CATSPERB: variants seen among roughly 807,000 people sequenced by gnomAD.
CATSPERB encodes cation channel sperm-associated auxiliary subunit beta.
CATSPERB carries 93 observed loss-of-function variants against 128.3 expected under a neutral mutation model. That is an observed-to-expected ratio of 0.72 (90% CI 0.61 to 0.86). CATSPERB has a LOEUF of 0.86. CATSPERB is among the 40% of genes least tolerant of loss of function. The pLI, the probability that CATSPERB is intolerant of heterozygous loss-of-function variation, is 0.00. For missense variants in CATSPERB, 1,153 were observed against 1,329.5 expected (o/e 0.87, Z 2.06); for synonymous variants, 381 against 448.8 (o/e 0.85, Z 1.91).
At chr14:91,721,552 A>T (rs560286178) in intron 4 of CATSPERB, among the ~76,000 whole-genome samples, 5 of 152,274 alleles carry the variant, frequency 3.3e-5, no homozygotes, top group Admixed American at 6.5e-5. Flanking sequence ...TGGTTATTTT[A>T]AAAAAGATAA....
In CATSPERB at chr14:91,719,530, A is replaced by G. The variant is rs1248225559; in HGVS notation, c.310-52T>C. On this transcript the variant is annotated intron_variant, in intron 4 of 26. Transcript: ENST00000256343. ...AATGTTTTACAACATGAATAACAAC[A>G]CATCACATTCTATGCTATATTTTTA... 8 of 1,321,168 alleles carry G rather than the reference A, an allele frequency of 6.1e-6. No homozygotes were observed. In the South Asian group the frequency reaches 9.7e-5, roughly 16 times the overall value. The allele number at this position is 1,321,168 out of a possible 1,614,324, so 81.8% of individuals were successfully genotyped here.
chr14:91,712,605 A>G (rs1895858381), intron 5 of CATSPERB, among the ~76,000 whole-genome samples: 1 of 152,176 alleles, frequency 6.6e-6, no homozygotes, highest in Non-Finnish European at 1.5e-5. Flanking sequence ...ACTGTCATGC[A>G]TTTGTTTGTA....
At chr14:91,613,555 C>CTT (rs1893874210) in intron 20 of CATSPERB, among the ~76,000 whole-genome samples, 2 of 152,124 alleles carry the variant, frequency 1.3e-5, no homozygotes, top group African/African-American at 4.8e-5. Context: ...CAGAAGTGAG[C>CTT]AGGAAGAAGA....
chr14:91,725,017 G>T, intron 3 of CATSPERB, 63 bp downstream of exon 3: 2 of 756,982 alleles, frequency 2.6e-6, no homozygotes, highest in Non-Finnish European at 4.1e-6. Context: ...AATGCTATTG[G>T]TTTTACACAT....
At chr14:91,695,152 T>C (rs996488732) in intron 7 of CATSPERB, among the ~76,000 whole-genome samples, 5 of 146,220 alleles carry the variant, frequency 3.4e-5, no homozygotes, top group African/African-American at 1.3e-4. Flanking sequence ...TTTTTTTTGA[T>C]AGAGTCTCAC....
intron 25 of CATSPERB, among the ~76,000 whole-genome samples, chr14:91,587,759 A>C (rs1349098273): frequency 6.6e-6 from 1 of 152,168 alleles, no homozygotes; most frequent in Non-Finnish European, 1.5e-5. Context: ...TTTGCTAGAT[A>C]ATATGGCTTG....
chr14:91,605,311 C>A, intron 22 of CATSPERB: 1 of 816,380 alleles, frequency 1.2e-6, no homozygotes, highest in African/African-American at 1.7e-5. Context: ...AAGCTGGAGC[C>A]ACACTCATGT....
intron 17 of CATSPERB, among the ~76,000 whole-genome samples, chr14:91,628,294 T>C (rs1170585459): frequency 1.3e-5 from 2 of 152,202 alleles, no homozygotes; most frequent in Non-Finnish European, 2.9e-5. Context: ...TCTGATCTCC[T>C]ACAATACAAA....
chr14:91,626,703 C>T (rs1894171722), intron 17 of CATSPERB, among the ~76,000 whole-genome samples: 2 of 152,014 alleles, frequency 1.3e-5, no homozygotes, highest in Admixed American at 1.3e-4. Flanking sequence ...CAGATGTGGG[C>T]CCCCCAGTCT....
At chr14:91,616,087 G>T (rs899008712) in intron 20 of CATSPERB, among the ~76,000 whole-genome samples, 1 of 152,052 alleles carries the variant, frequency 6.6e-6, no homozygotes, top group Non-Finnish European at 1.5e-5. Context: ...CACTGTGTTA[G>T]CCAGGATGGT....
chr14:91,581,959 A>G (rs902384331), intron 26 of CATSPERB, among the ~76,000 whole-genome samples: 9 of 152,222 alleles, frequency 5.9e-5, no homozygotes, highest in African/African-American at 2.2e-4. Flanking sequence ...GTCTAGCTCA[A>G]GTTAAAGGTA....
chr14:91,706,980 G>T (rs1895742433), intron 6 of CATSPERB, among the ~76,000 whole-genome samples: 1 of 152,086 alleles, frequency 6.6e-6, no homozygotes, highest in South Asian at 2.1e-4. Context: ...TTCCATTCTT[G>T]CTATCCTTCC....
At chr14:91,672,261 ATTTG>A (rs1895109749) in intron 13 of CATSPERB, among the ~76,000 whole-genome samples, 1 of 151,844 alleles carries the variant, frequency 6.6e-6, no homozygotes, top group South Asian at 2.1e-4. Context: ...TTATGGTTTT[ATTTG>A]TTTGTTTGTT....
intron 11 of CATSPERB, 129 bp from the exon 12 acceptor site, chr14:91,674,351 A>T (rs1566727298): frequency 1.7e-6 from 1 of 586,782 alleles, no homozygotes; most frequent in African/African-American, 2.0e-5. Context: ...TGGTAAATGA[A>T]AATAATAATA....
chr14:91,707,093 TTATAATTACAA>T (rs762584699), intron 6 of CATSPERB, among the ~76,000 whole-genome samples: 33 of 152,204 alleles, frequency 2.2e-4, no homozygotes, highest in Non-Finnish European at 3.7e-4. Flanking sequence ...TGGCTTTAAG[TTATAATTACAA>T]TAAAGTCCAC....
At chr14:91,622,536 C>G (rs999686329) in intron 18 of CATSPERB, among the ~76,000 whole-genome samples, 16 of 152,088 alleles carry the variant, frequency 1.1e-4, no homozygotes, top group Admixed American at 1.3e-4. Context: ...CCAAGGAAGG[C>G]TGTTGAAATG....
rs1458642229 is a variant in CATSPERB, at chr14:91,729,437, T to C, written c.43A>G (p.Ile15Val). The C allele has an allele frequency of 2.6e-6, 4 of 1,533,930 alleles. No individual in the cohort carries two copies. The highest frequency in any genetic ancestry group is 2.3e-5 in the East Asian group (1 of 44,050). ...LIYVSVLLLNIFEFSSGIVYN... is the reference protein window; with the variant it reads ...LIYVSVLLLNVFEFSSGIVYN... ...ACTATTCCTGATGAAAATTCAAATA[T>C]GTTCAAAAGCAAAACTGAAACATAT... Residue 15 changes from isoleucine (I) to valine (V), a missense_variant, in exon 2 of 27, where the codon ATA becomes GTA. Ile to Val is a conservative substitution (Grantham distance 29, BLOSUM62 3). Transcript: ENST00000256343.
chr14:91,687,984 C>T (rs920892703), intron 10 of CATSPERB, among the ~76,000 whole-genome samples: 1 of 151,070 alleles, frequency 6.6e-6, no homozygotes, highest in Admixed American at 6.6e-5. Flanking sequence ...ATCTAGTACT[C>T]CATTTTGATT....
chr14:91,725,065 A>G lies in CATSPERB; in HGVS notation c.168+15T>C, dbSNP rs1281599774. On this transcript the variant is annotated intron_variant, in intron 3 of 26. Transcript: ENST00000256343. ...AACGTGAAGGGTTATAACACATGCTATTAGTGGACCTTACCAAGTTTTCTA... is the reference window on the plus strand; with the variant it reads ...AACGTGAAGGGTTATAACACATGCTGTTAGTGGACCTTACCAAGTTTTCTA... The G allele has an allele frequency of 1.4e-6, 2 of 1,401,900 alleles. No homozygotes were observed. The highest frequency in any genetic ancestry group is 2.0e-6 in the Non-Finnish European group (2 of 1,013,628). 86.8% of individuals were successfully genotyped at this position (1,401,900 alleles called of 1,614,324 possible).
Sources: gnomAD v4.1 joint callset for allele counts (sites outside exome capture counted in the v4.1 genomes callset) on GRCh38, gnomAD v4.1.1 for gene constraint, MANE v1.5 for transcripts, NCBI Gene and HGNC (gene_info 2026-07-23, HGNC 2026-07-21) for gene names.